The following PARD3B variants were observed in gnomAD, a reference collection of about 807,000 sequenced individuals.
PARD3B encodes par-3 family cell polarity regulator beta.
A neutral mutation model predicts 130.2 loss-of-function variants in PARD3B; 103 were observed. That is an observed-to-expected ratio of 0.79 (90% CI 0.67 to 0.93). PARD3B has a LOEUF of 0.93. Ranked by LOEUF, PARD3B falls within the 40% of genes least tolerant of loss-of-function variation. PARD3B has a pLI of 0.00. For synonymous variants in PARD3B, 583 were observed against 553.2 expected, an observed-to-expected ratio of 1.05 and a Z score of -0.76; for missense variants, 1,609 against 1,499.2, an observed-to-expected ratio of 1.07 and a Z score of -1.21.
chr2:205,044,960 A>G (rs548422354), intron 3 of PARD3B, among the ~76,000 whole-genome samples: 5 of 152,202 alleles, frequency 3.3e-5, no homozygotes, highest in East Asian at 1.9e-4. Context: ...ATTAATTTCA[A>G]TGTGGAATGA....
intron 4 of PARD3B, among the ~76,000 whole-genome samples, chr2:205,086,404 G>A (rs1336886235): frequency 6.6e-6 from 1 of 152,148 alleles, no homozygotes; most frequent in Non-Finnish European, 1.5e-5. Context: ...ATGAAAGGGA[G>A]TAAACATGTG....
intron 1 of PARD3B, among the ~76,000 whole-genome samples, chr2:204,603,888 G>T (rs934864475): frequency 6.6e-6 from 1 of 152,144 alleles, no homozygotes; most frequent in African/African-American, 2.4e-5. Context: ...GGATAATCCC[G>T]CCTGGGCACA....
At chr2:205,389,725 C>A (rs918593680) in intron 18 of PARD3B, among the ~76,000 whole-genome samples, 5 of 152,162 alleles carry the variant, frequency 3.3e-5, no homozygotes. Context: ...AGCAAAGCAA[C>A]AACTTGACAC....
chr2:205,450,296 G>A (rs1400150779), intron 20 of PARD3B, among the ~76,000 whole-genome samples: 1 of 151,904 alleles, frequency 6.6e-6, no homozygotes, highest in African/African-American at 2.4e-5. Context: ...TAATAGGTTT[G>A]GGAACCTGTT....
intron 2 of PARD3B, among the ~76,000 whole-genome samples, chr2:204,710,646 A>G (rs890857785): frequency 6.6e-6 from 1 of 152,154 alleles, no homozygotes; most frequent in Admixed American, 6.5e-5. Context: ...CATATTCTCT[A>G]AAGAGTTGCA....
In PARD3B at chr2:204,887,874, G is replaced by T. The variant is rs1318816706; in HGVS notation, c.223-77278G>T. 6.6e-6 allele frequency among the ~76,000 whole-genome samples: 1 copy of T among 152,082 alleles called. No individual in the cohort carries two copies. Among genetic ancestry groups the T allele is most frequent in the African/African-American group, 2.4e-5 (1 of 41,410 alleles). On this transcript the variant is annotated intron_variant, in intron 2 of 22. Coordinates refer to ENST00000406610, the MANE Select transcript of PARD3B (RefSeq NM_001302769.2). This position sits in a 1 kb window ranked among gnomAD's most constrained non-coding sequence, Gnocchi z 4.2. ...TGTCATTGGGTGCTGTGGATTTATG[G>T]CAAAGGGCTCACTATGGATTTGAGA...
chr2:204,789,124 A>G (rs1222661733), intron 2 of PARD3B, among the ~76,000 whole-genome samples: 1 of 152,138 alleles, frequency 6.6e-6, no homozygotes, highest in African/African-American at 2.4e-5. Flanking sequence ...TGGTGCAATC[A>G]TAGCTCACTG....
At chr2:205,073,659 G>A (rs1318926540) in intron 4 of PARD3B, among the ~76,000 whole-genome samples, 1 of 152,028 alleles carries the variant, frequency 6.6e-6, no homozygotes, top group African/African-American at 2.4e-5. Context: ...ACCTGATTAT[G>A]TTTCTTTGTT....
At position 205,532,362 on chromosome 2, in the gene PARD3B, T is replaced by C. The variant is rs115916118; in HGVS notation, c.3181-20962T>C. On this transcript the variant is annotated intron_variant, in intron 21 of 22. Coordinates refer to ENST00000406610, the MANE Select transcript of PARD3B (RefSeq NM_001302769.2). ...GGTGTCATAAAAGGCAAAACTGTTA[T>C]AAGTTCTTTGTTTCAGTTTTCTCAG... Among the ~76,000 whole-genome samples, 271 of 152,344 alleles carry C rather than the reference T, an allele frequency of 1.8e-3. 1 individual carries two copies. The highest frequency in any genetic ancestry group is 6.2e-3 in the African/African-American group (257 of 41,574).
At chr2:205,029,055 G>T (rs553021800) in intron 3 of PARD3B, among the ~76,000 whole-genome samples, 1 of 152,184 alleles carries the variant, frequency 6.6e-6, no homozygotes, top group Non-Finnish European at 1.5e-5. Flanking sequence ...GCTAAAATCT[G>T]ATTTATTTTG....
intron 3 of PARD3B, among the ~76,000 whole-genome samples, chr2:204,977,289 T>G (rs896226881): frequency 2.0e-5 from 3 of 152,198 alleles, no homozygotes; most frequent in African/African-American, 7.2e-5. Flanking sequence ...ACAAGAATTT[T>G]CTTTTACAAT....
At chr2:205,362,989 C>T (rs542297976) in intron 18 of PARD3B, among the ~76,000 whole-genome samples, 1 of 106,422 alleles carries the variant, frequency 9.4e-6, no homozygotes, top group East Asian at 2.7e-4. Context: ...AGTAGTCTTC[C>T]ACCAAGTGCT....
At position 205,444,278 on chromosome 2, in the gene PARD3B, C is replaced by T. The variant is rs941240215; in HGVS notation, c.3044+3606C>T. Among the ~76,000 whole-genome samples, 7 of 152,118 alleles carry T rather than the reference C, an allele frequency of 4.6e-5. No individual in the cohort carries two copies. In the South Asian group the frequency reaches 6.2e-4, roughly 14 times the overall value. Reference sequence around the variant, plus strand: ...GATTACAGGCATGAGCCACCATACCCGGCCTCTACAAAAGTTTTTTTTTTA... The same window carrying T: ...GATTACAGGCATGAGCCACCATACCTGGCCTCTACAAAAGTTTTTTTTTTA... On this transcript the variant is annotated intron_variant, in intron 20 of 22. Transcript: ENST00000406610.
chr2:205,324,238 A>C (rs923830641), intron 18 of PARD3B, among the ~76,000 whole-genome samples: 4 of 152,186 alleles, frequency 2.6e-5, no homozygotes, highest in Admixed American at 2.6e-4. Context: ...TTCTTCTATT[A>C]CTTTTTTAAA....
At position 204,939,695 on chromosome 2, in the gene PARD3B, A is replaced by G. The variant is rs948125254; in HGVS notation, c.223-25457A>G. Among the ~76,000 whole-genome samples the G allele has an allele frequency of 3.3e-5, 5 of 152,344 alleles. No homozygotes were observed. In the East Asian group the frequency reaches 9.6e-4, roughly 29 times the overall value. Reference sequence around the variant, plus strand: ...TATATCAAATTCAACAAAGAGGGGTATTATAAACACAGTATTATCCATATC... The same window carrying G: ...TATATCAAATTCAACAAAGAGGGGTGTTATAAACACAGTATTATCCATATC... On this transcript the variant is annotated intron_variant, in intron 2 of 22. Transcript: ENST00000406610.
chr2:205,506,240 G>A (rs1559157708), intron 21 of PARD3B, among the ~76,000 whole-genome samples: 1 of 152,304 alleles, frequency 6.6e-6, no homozygotes, highest in Non-Finnish European at 1.5e-5. Flanking sequence ...GGCTGAGGCA[G>A]GAAAATCACT....
chr2:204,875,451 T>A (rs550577492), intron 2 of PARD3B, among the ~76,000 whole-genome samples: 40 of 152,262 alleles, frequency 2.6e-4, no homozygotes, highest in Admixed American at 6.5e-4. Flanking sequence ...CTCTCAAACT[T>A]GAATGTGCTT....
intron 18 of PARD3B, among the ~76,000 whole-genome samples, chr2:205,365,116 T>C (rs1431971483): frequency 6.6e-6 from 1 of 151,572 alleles, no homozygotes; most frequent in African/African-American, 2.4e-5. Flanking sequence ...AGGAGAATTG[T>C]TTGAACCTAA....
intron 21 of PARD3B, among the ~76,000 whole-genome samples, chr2:205,534,522 G>A (rs749560029): frequency 6.6e-6 from 1 of 152,052 alleles, no homozygotes; most frequent in Non-Finnish European, 1.5e-5. Context: ...GTGCTAAAGT[G>A]TAGTGGCATG....
Sources: gnomAD v4.1 joint callset for allele counts (sites outside exome capture counted in the v4.1 genomes callset) on GRCh38, gnomAD v4.1.1 for gene constraint, Gnocchi (gnomAD v3.1) non-coding constraint, MANE v1.5 for transcripts, NCBI Gene and HGNC (gene_info 2026-07-23, HGNC 2026-07-21) for gene names.